GDNF: variants seen among roughly 807,000 people sequenced by gnomAD.
The protein encoded by GDNF is glial cell derived neurotrophic factor, also known as glial cell line-derived neurotrophic factor.
GDNF carries 5 observed loss-of-function variants against 13.7 expected under a neutral mutation model. That is an observed-to-expected ratio of 0.36 (90% CI 0.19 to 0.77). GDNF has a LOEUF of 0.77. GDNF is among the 30% of genes least tolerant of loss of function. The pLI is 0.51. For synonymous variants in GDNF, 122 were observed against 112.5 expected, an observed-to-expected ratio of 1.08 and a Z score of -0.53; for missense variants, 246 against 274.3, an observed-to-expected ratio of 0.90 and a Z score of 0.73.
In GDNF at chr5:37,815,941, G is replaced by A. The variant is rs1456062653; in HGVS notation, c.346C>T (p.Arg116Trp). 4 of 1,614,112 alleles carry A rather than the reference G, an allele frequency of 2.5e-6. No individual in the cohort carries two copies. The highest frequency in any genetic ancestry group is 2.2e-5 in the South Asian group (2 of 91,074). ...TGTATTGCAGTTAAGACACAACCCC[G>A]GTTTTTGCCCCTCTGGCCTCTCCGA... ...KGRRGQRGKN[R>W]GCVLTAIHLN... The change falls in exon 3 of 3, where the codon CGG becomes TGG. Residue 116 changes from arginine (R) to tryptophan (W), a missense_variant. Arg to Trp is a moderately radical substitution (Grantham distance 101, BLOSUM62 -3). Coordinates refer to ENST00000326524, the MANE Select transcript of GDNF (RefSeq NM_000514.4). The surrounding 1 kb of genome is among the most constrained non-coding windows in gnomAD (Gnocchi z 5.0).
rs934582881 is a variant in GDNF at position 37,813,436 on chromosome 5, T to G, written c.*2215A>C. The G allele has an allele frequency of 2.0e-5, 3 of 152,056 alleles. No individual in the cohort carries two copies. The highest frequency in any genetic ancestry group is 4.4e-5 in the Non-Finnish European group (3 of 68,018). 9.4% of individuals were successfully genotyped at this position (152,056 alleles called of 1,614,324 possible). A position where few individuals can be genotyped will look rare whatever the true frequency, so the allele number is the denominator to read the frequency against. ...CTTAATGAAAATCCCTTTTATGAAATGCGTAACAAGCTGTAATACAGGGCC... is the reference window on the plus strand; with the variant it reads ...CTTAATGAAAATCCCTTTTATGAAAGGCGTAACAAGCTGTAATACAGGGCC... On this transcript the variant is annotated 3_prime_UTR_variant, in exon 3 of 3. Transcript: ENST00000326524.
chr5:37,815,510 C>G lies in GDNF; in HGVS notation c.*141G>C. On this transcript the variant is annotated 3_prime_UTR_variant, in exon 3 of 3. Transcript: ENST00000326524. The surrounding 1 kb of genome is among the most constrained non-coding windows in gnomAD (Gnocchi z 5.0). ...CCTTCCTCCTCCTCCTCCTCCTCCT[C>G]CTCCTCCTCCTCTTCTTCTTCCTCC... 1.3e-6 allele frequency: 1 copy of G among 767,890 alleles called. No individual in the cohort carries two copies. 47.6% of individuals were successfully genotyped at this position (767,890 alleles called of 1,614,324 possible).
intron 2 of GDNF, among the ~76,000 whole-genome samples, chr5:37,832,985 G>C (rs773977837): frequency 9.2e-5 from 14 of 152,182 alleles, no homozygotes; most frequent in East Asian, 1.9e-4. Flanking sequence ...GAGTAGAAAG[G>C]CTTCTCTTTA....
intron 2 of GDNF, among the ~76,000 whole-genome samples, chr5:37,831,796 G>T (rs1011757314): frequency 6.6e-6 from 1 of 152,236 alleles, no homozygotes; most frequent in Middle Eastern, 3.4e-3. Flanking sequence ...ATTGCCCTTT[G>T]GAAACTGGCA....
At position 37,827,217 on chromosome 5, in the gene GDNF, A is replaced by C. The variant is rs114049364; in HGVS notation, c.151+7429T>G. 3.3e-3 allele frequency among the ~76,000 whole-genome samples: 503 copies of C among 152,304 alleles called. 2 individuals carry two copies. The highest frequency in any genetic ancestry group is 0.01 in the African/African-American group (419 of 41,570). ...TTATGGTCCTGGGTTTTAAAAAAAAAAAAACAAAACATAAAGGACATAATT... is the reference window on the plus strand; with the variant it reads ...TTATGGTCCTGGGTTTTAAAAAAAACAAAACAAAACATAAAGGACATAATT... On this transcript the variant is annotated intron_variant, in intron 2 of 2. Coordinates refer to ENST00000326524, the MANE Select transcript of GDNF (RefSeq NM_000514.4).
intron 2 of GDNF, among the ~76,000 whole-genome samples, chr5:37,826,981 A>G (rs1750344104): frequency 6.6e-6 from 1 of 152,220 alleles, no homozygotes; most frequent in Admixed American, 6.5e-5. Context: ...TGATGTGAGG[A>G]CATAGTGCCA....
At chr5:37,832,982 A>G (rs771355029) in intron 2 of GDNF, among the ~76,000 whole-genome samples, 1 of 152,228 alleles carries the variant, frequency 6.6e-6, no homozygotes, top group Non-Finnish European at 1.5e-5. Context: ...GTGGAGTAGA[A>G]AGGCTTCTCT....
At chr5:37,836,165 C>T (rs1356935383) in intron 1 of GDNF, among the ~76,000 whole-genome samples, 1 of 151,936 alleles carries the variant, frequency 6.6e-6, no homozygotes, top group East Asian at 1.9e-4. Context: ...TCCCCTCGAC[C>T]GGCTCCATAA....
intron 2 of GDNF, among the ~76,000 whole-genome samples, chr5:37,833,799 A>G (rs1340250081): frequency 6.6e-6 from 1 of 152,240 alleles, no homozygotes; most frequent in Non-Finnish European, 1.5e-5. Context: ...CCTCTGCAAC[A>G]GCCTCTATCA....
chr5:37,816,169 G>A (rs1208622297), intron 2 of GDNF, 34 bp from the exon 3 acceptor site: 4 of 1,610,558 alleles, frequency 2.5e-6, no homozygotes, highest in Non-Finnish European at 3.4e-6. Flanking sequence ...TGGCACATGA[G>A]ACAAAATGAT....
intron 2 of GDNF, among the ~76,000 whole-genome samples, chr5:37,832,625 G>C (rs1200393790): frequency 6.6e-6 from 1 of 152,208 alleles, no homozygotes; most frequent in Non-Finnish European, 1.5e-5. Flanking sequence ...TTGGAAAAGG[G>C]AAGCAATCCC....
At position 37,815,896 on chromosome 5, in the gene GDNF, C is replaced by T. The variant is rs2111628721; in HGVS notation, c.391G>A (p.Gly131Ser). 6.2e-7 allele frequency: 1 copy of T among 1,614,148 alleles called. No homozygotes were observed. Among genetic ancestry groups the T allele is most frequent in the Non-Finnish European group, 8.5e-7 (1 of 1,180,030 alleles). Residue 131 changes from glycine (G) to serine (S), a missense_variant, in exon 3 of 3, where the codon GGT becomes AGT. Gly to Ser is a moderately conservative substitution (Grantham distance 56, BLOSUM62 0). Transcript: ENST00000326524. This position sits in a 1 kb window ranked among gnomAD's most constrained non-coding sequence, Gnocchi z 5.0. Reference protein sequence around the residue: ...TAIHLNVTDLGLGYETKEELI... With the variant: ...TAIHLNVTDLSLGYETKEELI... Reference sequence around the variant, plus strand: ...TCCTCCTTGGTTTCATAGCCCAGACCCAAGTCAGTGACATTTAAATGTATT... The same window carrying T: ...TCCTCCTTGGTTTCATAGCCCAGACTCAAGTCAGTGACATTTAAATGTATT...
At position 37,837,927 on chromosome 5, in the gene GDNF, A is replaced by G. The variant is rs1750765330; in HGVS notation, c.-27+1580T>C. ...GGAGGTTTGTTTGGGCTTTGCCTTCAAGATCCAGGTCTCAGAGAGAGAAAA... is the reference window on the plus strand; with the variant it reads ...GGAGGTTTGTTTGGGCTTTGCCTTCGAGATCCAGGTCTCAGAGAGAGAAAA... On this transcript the variant is annotated intron_variant, in intron 1 of 2. Transcript: ENST00000326524. The surrounding 1 kb of genome is among the most constrained non-coding windows in gnomAD (Gnocchi z 6.5). Among the ~76,000 whole-genome samples, 1 of 151,314 alleles carries G rather than the reference A, an allele frequency of 6.6e-6. No individual in the cohort carries two copies. Among genetic ancestry groups the G allele is most frequent in the African/African-American group, 2.4e-5 (1 of 41,140 alleles).
At chr5:37,835,383 G>A in intron 1 of GDNF, 1 of 1,332,676 alleles carries the variant, frequency 7.5e-7, no homozygotes, top group Non-Finnish European at 9.8e-7. Context: ...CAGGCTCGGG[G>A]GCACCACTCA....
intron 2 of GDNF, among the ~76,000 whole-genome samples, chr5:37,827,385 A>G (rs1167988513): frequency 1.3e-5 from 2 of 152,236 alleles, no homozygotes; most frequent in African/African-American, 2.4e-5. Flanking sequence ...GAAATATTTA[A>G]CATTCTGATG....
chr5:37,839,159 A>T lies in GDNF; in HGVS notation c.-27+348T>A, dbSNP rs1394635616. On this transcript the variant is annotated intron_variant, in intron 1 of 2. Coordinates refer to ENST00000326524, the MANE Select transcript of GDNF (RefSeq NM_000514.4). The surrounding 1 kb of genome is among the most constrained non-coding windows in gnomAD (Gnocchi z 5.5). ...TTCGACGGCGGTGGGTTCGAAGATG[A>T]CCCAAGCCCTGAATCGTTCTGTGAC... Among the ~76,000 whole-genome samples, 2 of 152,148 alleles carry T rather than the reference A, an allele frequency of 1.3e-5. No homozygotes were observed. Among genetic ancestry groups the T allele is most frequent in the Non-Finnish European group, 2.9e-5 (2 of 68,030 alleles).
At chr5:37,836,932 C>T (rs1258721390) in intron 1 of GDNF, among the ~76,000 whole-genome samples, 1 of 152,244 alleles carries the variant, frequency 6.6e-6, no homozygotes, top group African/African-American at 2.4e-5. Flanking sequence ...AAACTCCCCG[C>T]GTCGCCAGAG....
intron 2 of GDNF, among the ~76,000 whole-genome samples, chr5:37,819,967 A>G (rs1366475897): frequency 6.6e-6 from 1 of 150,560 alleles, no homozygotes; most frequent in Non-Finnish European, 1.5e-5. Flanking sequence ...GCCCAGTTTC[A>G]AAAAAAAACA....
chr5:37,817,331 T>C (rs1054700321), intron 2 of GDNF, among the ~76,000 whole-genome samples: 2 of 152,192 alleles, frequency 1.3e-5, no homozygotes, highest in East Asian at 3.8e-4. Context: ...GTTTCTTGGG[T>C]AGTAGGCCTC....
Sources: gnomAD v4.1 joint callset for allele counts (sites outside exome capture counted in the v4.1 genomes callset) on GRCh38, gnomAD v4.1.1 for gene constraint, Gnocchi (gnomAD v3.1) non-coding constraint, MANE v1.5 for transcripts, NCBI Gene and HGNC (gene_info 2026-07-23, HGNC 2026-07-21) for gene names.